The following SHISA6 variants were observed in gnomAD, a reference collection of about 807,000 sequenced individuals.
The protein encoded by SHISA6 is shisa family member 6.
Under a neutral mutation model 47.9 loss-of-function variants are expected in SHISA6, and 22 were observed. The observed-to-expected ratio is 0.46, with a 90% CI of 0.33 to 0.66. SHISA6 has a LOEUF of 0.66. Among genes scored for constraint, SHISA6 ranks in the 30% least tolerant of loss-of-function variants. The pLI is 0.02. For synonymous variants in SHISA6, 388 were observed against 337.8 expected (o/e 1.15, Z -1.63); for missense variants, 680 against 764.6 (o/e 0.89, Z 1.30).
At position 11,508,539 on chromosome 17, in the gene SHISA6, C is replaced by T. The variant is rs1019050385; in HGVS notation, c.896-43357C>T. On this transcript the variant is annotated intron_variant, in intron 3 of 5. Transcript: ENST00000441885. ...CAAATTCACTCATGGTTGAATCAGC[C>T]CCTCCCCTCCTCTCCCCTCCCCTCC... 6.9e-5 allele frequency among the ~76,000 whole-genome samples: 9 copies of T among 130,786 alleles called. 1 individual carries two copies. Among genetic ancestry groups the T allele is most frequent in the East Asian group, 2.6e-4 (1 of 3,792 alleles). The allele number at this position is 130,786 out of a possible 152,430, so 85.8% of individuals were successfully genotyped here. A position where few individuals can be genotyped will look rare whatever the true frequency, so the allele number is the denominator to read the frequency against.
At chr17:11,347,137 T>G (rs2429374) in intron 2 of SHISA6, among the ~76,000 whole-genome samples, 147,080 of 152,064 alleles carry the variant, frequency 0.97, 71,240 homozygotes, top group South Asian at 0.99. Flanking sequence ...AGATGGAAAC[T>G]TAACTGAAGG....
chr17:11,379,476 G>A lies in SHISA6; in HGVS notation c.862G>A (p.Gly288Arg). The A allele has an allele frequency of 6.5e-7, 1 of 1,541,016 alleles. No homozygotes were observed. The highest frequency in any genetic ancestry group is 8.8e-7 in the Non-Finnish European group (1 of 1,142,360). Residue 288 changes from glycine (G) to arginine (R), a missense_variant, in exon 3 of 6, where the codon GGA becomes AGA. Coordinates refer to ENST00000441885, the MANE Select transcript of SHISA6 (RefSeq NM_207386.4). ...GPDLHNFISS[G>R]FVTLGRGHTK... ...TGATCTCCATAACTTCATCTCATCT[G>A]GATTTGTCACATTAGGAAGAGGACA... is the stretch of plus-strand genomic sequence containing the variant.
intron 3 of SHISA6, among the ~76,000 whole-genome samples, chr17:11,441,304 T>G (rs757752600): frequency 6.6e-6 from 1 of 152,130 alleles, no homozygotes; most frequent in Non-Finnish European, 1.5e-5. Context: ...AATATAAGGC[T>G]TTGGGGATAG....
intron 3 of SHISA6, among the ~76,000 whole-genome samples, chr17:11,449,303 C>T (rs1042107883): frequency 2.0e-5 from 3 of 151,968 alleles, no homozygotes; most frequent in African/African-American, 4.8e-5. Context: ...ATTAGCTGGG[C>T]GTGGTAGCAT....
chr17:11,341,801 A>G (rs748302184), intron 2 of SHISA6, among the ~76,000 whole-genome samples: 3 of 152,172 alleles, frequency 2.0e-5, no homozygotes, highest in Non-Finnish European at 4.4e-5. Context: ...TTATGATATC[A>G]GTGCTGTTGC....
chr17:11,378,093 A>G (rs1316576756), intron 2 of SHISA6, among the ~76,000 whole-genome samples: 2 of 152,134 alleles, frequency 1.3e-5, no homozygotes, highest in Admixed American at 6.5e-5. Context: ...CAGGGTTGCA[A>G]TCTACTGATC....
intron 2 of SHISA6, among the ~76,000 whole-genome samples, chr17:11,310,798 C>A (rs991140775): frequency 6.6e-6 from 1 of 151,724 alleles, no homozygotes; most frequent in Non-Finnish European, 1.5e-5. Context: ...CATGGTGAAA[C>A]CTGGTCTCTA....
intron 3 of SHISA6, among the ~76,000 whole-genome samples, chr17:11,441,826 T>C (rs535841154): frequency 6.6e-6 from 1 of 152,322 alleles, no homozygotes; most frequent in East Asian, 1.9e-4. Context: ...CGAAGGGCAC[T>C]GACCCAGCGC....
Position 11,560,177 on chromosome 17 carries a change from A to G in SHISA6, c.*1873A>G, listed in dbSNP as rs2142395021. On this transcript the variant is annotated 3_prime_UTR_variant, in exon 6 of 6. Transcript: ENST00000441885. ...CCTTTCACTGATTTCAAGAGTTCCAAAGCTCTCATCTCCTTCTCCCCTCTG... is the reference window on the plus strand; with the variant it reads ...CCTTTCACTGATTTCAAGAGTTCCAGAGCTCTCATCTCCTTCTCCCCTCTG... The G allele has an allele frequency of 6.6e-6, 1 of 152,208 alleles. No individual in the cohort carries two copies. Among genetic ancestry groups the G allele is most frequent in the South Asian group, 2.1e-4 (1 of 4,804 alleles). The allele number at this position is 152,208 out of a possible 1,614,324, so 9.4% of individuals were successfully genotyped here. A position where few individuals can be genotyped will look rare whatever the true frequency, so the allele number is the denominator to read the frequency against.
At chr17:11,252,023 T>G (rs1388858239) in intron 1 of SHISA6, among the ~76,000 whole-genome samples, 1 of 152,270 alleles carries the variant, frequency 6.6e-6, no homozygotes, top group Admixed American at 6.5e-5. Flanking sequence ...CTCACTAGTC[T>G]TCCGCAGGAA....
chr17:11,318,037 A>T (rs1231768511), intron 2 of SHISA6, among the ~76,000 whole-genome samples: 19 of 152,184 alleles, frequency 1.2e-4, no homozygotes, highest in Non-Finnish European at 2.8e-4. Context: ...CAGACATCAC[A>T]TAATTTAATC....
intron 3 of SHISA6, among the ~76,000 whole-genome samples, chr17:11,459,358 C>G (rs191282837): frequency 5.3e-5 from 8 of 152,188 alleles, no homozygotes; most frequent in Non-Finnish European, 1.2e-4. Flanking sequence ...AATAATATGC[C>G]CCTGCTATAG....
intron 2 of SHISA6, among the ~76,000 whole-genome samples, chr17:11,332,474 C>G (rs1911154344): frequency 1.3e-5 from 2 of 152,170 alleles, no homozygotes; most frequent in Non-Finnish European, 2.9e-5. Context: ...GCTCCCAAAA[C>G]TTTTGAAAAC....
chr17:11,284,260 C>T (rs1238487150), intron 2 of SHISA6, among the ~76,000 whole-genome samples: 1 of 152,102 alleles, frequency 6.6e-6, no homozygotes, highest in Non-Finnish European at 1.5e-5. Flanking sequence ...AGTCAAAAGT[C>T]CCAAAGTAGG....
intron 2 of SHISA6, among the ~76,000 whole-genome samples, chr17:11,294,453 C>A (rs1192357698): frequency 6.6e-6 from 1 of 152,178 alleles, no homozygotes; most frequent in Non-Finnish European, 1.5e-5. Context: ...GAGAAGGTAG[C>A]AGCTGTGGAC....
chr17:11,551,340 G>C (rs935712105), intron 3 of SHISA6, among the ~76,000 whole-genome samples: 2 of 149,158 alleles, frequency 1.3e-5, no homozygotes, highest in Admixed American at 1.3e-4. Context: ...AGGCAGGACA[G>C]AGCCTAGAAT....
rs370919859 is a variant in SHISA6 at position 11,463,546 on chromosome 17, T to C, written c.895+84037T>C. On this transcript the variant is annotated intron_variant, in intron 3 of 5. Transcript: ENST00000441885. ...GCTTTTAACAGAATCTTTTCCAACA[T>C]TTTGCTGTCCTTTATTACATATCTG... Among the ~76,000 whole-genome samples, 25 of 152,336 alleles carry C rather than the reference T, an allele frequency of 1.6e-4. No homozygotes were observed. The East Asian group carries it at 2.3e-3, about 14-fold the overall frequency.
intron 2 of SHISA6, among the ~76,000 whole-genome samples, chr17:11,314,603 T>C (rs1369820634): frequency 1.3e-5 from 2 of 151,220 alleles, no homozygotes; most frequent in African/African-American, 4.9e-5. Flanking sequence ...TGGCACAGTC[T>C]CGGCTCACTG....
chr17:11,277,318 A>ACACCC (rs1389004430), intron 2 of SHISA6, among the ~76,000 whole-genome samples: 2 of 127,986 alleles, frequency 1.6e-5, no homozygotes, highest in African/African-American at 3.1e-5. Flanking sequence ...ACACACACAC[A>ACACCC]CCCCGCATGT....
Sources: allele counts gnomAD v4.1 joint callset (sites outside exome capture counted in the v4.1 genomes callset), GRCh38; gene constraint gnomAD v4.1.1; transcripts MANE v1.5; gene names NCBI Gene and HGNC (gene_info 2026-07-23, HGNC 2026-07-21).